The following ZDHHC7 variants were observed in gnomAD, a reference collection of about 807,000 sequenced individuals.
The protein encoded by ZDHHC7 is palmitoyltransferase ZDHHC7.
Under a neutral mutation model 34.1 loss-of-function variants are expected in ZDHHC7, and 12 were observed. That is an observed-to-expected ratio of 0.35 (90% CI 0.23 to 0.57). The LOEUF is 0.57. Ranked by LOEUF, ZDHHC7 falls within the 20% of genes least tolerant of loss-of-function variation. The pLI is 0.84. For synonymous variants in ZDHHC7, 185 were observed against 155.4 expected (o/e 1.19, Z -1.42); for missense variants, 388 against 402.7 (o/e 0.96, Z 0.31).
Position 85,009,551 on chromosome 16 carries a change from GTCT to G in ZDHHC7, c.-104+1732_-104+1734del, listed in dbSNP as rs149929316. On this transcript the variant is annotated intron_variant, in intron 1 of 7. Transcript: ENST00000313732. Reference sequence around the variant, plus strand: ...CCTTTGGGAATTACCTTTTCAAATAGTCTTCTTCTCCTTCAACTCTCAAATCAG... The same window carrying G: ...CCTTTGGGAATTACCTTTTCAAATAGTCTTCTCCTTCAACTCTCAAATCAG... 4.2e-3 allele frequency among the ~76,000 whole-genome samples: 644 copies of G among 152,196 alleles called. 11 individuals carry two copies. The highest frequency in any genetic ancestry group is 0.015 in the African/African-American group (609 of 41,522).
chr16:85,013,748 G>T (rs1305785546), upstream of ZDHHC7, among the ~76,000 whole-genome samples: 1 of 152,056 alleles, frequency 6.6e-6, no homozygotes. Flanking sequence ...GAGTGCAGTG[G>T]TGTGATCTCA....
the ZDHHC7 span, among the ~76,000 whole-genome samples, chr16:85,018,810 G>T: frequency 1.3e-5 from 2 of 152,022 alleles, no homozygotes; most frequent in African/African-American, 4.8e-5. Context: ...CAAAGGTTAT[G>T]CAGTGGAAAA....
chr16:84,987,602 T>C (rs779861996), intron 3 of ZDHHC7, among the ~76,000 whole-genome samples: 1 of 152,104 alleles, frequency 6.6e-6, no homozygotes. Context: ...CCTAGGTATA[T>C]ACCCAAGAGG....
At chr16:85,007,095 G>C (rs772094188) in intron 1 of ZDHHC7, among the ~76,000 whole-genome samples, 1 of 149,410 alleles carries the variant, frequency 6.7e-6, no homozygotes, top group Non-Finnish European at 1.5e-5. Flanking sequence ...GGTTTGATTA[G>C]AGGATTAATA....
chr16:85,023,227 C>T, the ZDHHC7 span, among the ~76,000 whole-genome samples: 6 of 148,656 alleles, frequency 4.0e-5, no homozygotes, highest in South Asian at 2.1e-4. Flanking sequence ...AGTGCAGTGG[C>T]GCAATTTCAG....
Position 84,988,912 on chromosome 16 carries a change from CCTGGCCCTGTAG to C in ZDHHC7, c.315+1380_315+1391del, listed in dbSNP as rs747748376. The C allele has an allele frequency of 8.4e-6, 13 of 1,543,666 alleles. No homozygotes were observed. The African/African-American group carries it at 1.6e-4, about 20-fold the overall frequency. On this transcript the variant is annotated intron_variant, in intron 3 of 7. Coordinates refer to ENST00000313732, the MANE Select transcript of ZDHHC7 (RefSeq NM_017740.3). ...TTCCAGTAAAAATCGCTGAGCTGGACCTGGCCCTGTAGCTGGCCCTCTCCTTTGTCGAAGTGC... is the reference window on the plus strand; with the variant it reads ...TTCCAGTAAAAATCGCTGAGCTGGACCTGGCCCTCTCCTTTGTCGAAGTGC...
At chr16:84,987,299 G>A (rs576888582) in intron 3 of ZDHHC7, among the ~76,000 whole-genome samples, 4 of 152,264 alleles carry the variant, frequency 2.6e-5, no homozygotes, top group Non-Finnish European at 5.9e-5. Flanking sequence ...CCCATGAAAT[G>A]ATGCTCAACA....
chr16:85,006,720 A>G (rs933151221), intron 1 of ZDHHC7, among the ~76,000 whole-genome samples: 12 of 147,846 alleles, frequency 8.1e-5, no homozygotes, highest in Admixed American at 6.8e-5. Flanking sequence ...AGCCTAGGTG[A>G]CAGAATAACA....
chr16:85,008,114 A>G (rs1487534886), intron 1 of ZDHHC7, among the ~76,000 whole-genome samples: 1 of 152,024 alleles, frequency 6.6e-6, no homozygotes, highest in Non-Finnish European at 1.5e-5. Context: ...AGACCCTCTC[A>G]AAGCAAACAA....
At chr16:85,009,901 G>C (rs1490139550) in intron 1 of ZDHHC7, among the ~76,000 whole-genome samples, 11 of 151,702 alleles carry the variant, frequency 7.3e-5, no homozygotes, top group Admixed American at 7.2e-4. Context: ...GTAGACATGG[G>C]GTTTCACCGT....
chr16:84,995,382 T>C (rs1033627798), intron 2 of ZDHHC7, among the ~76,000 whole-genome samples: 6 of 152,198 alleles, frequency 3.9e-5, no homozygotes, highest in African/African-American at 9.6e-5. Context: ...TCCCAGCACT[T>C]TGGGAGGCCA....
intron 1 of ZDHHC7, among the ~76,000 whole-genome samples, chr16:85,003,090 T>C (rs1002768006): frequency 6.6e-5 from 10 of 151,476 alleles, no homozygotes; most frequent in African/African-American, 2.4e-4. Flanking sequence ...AAAAGCAGAG[T>C]AACGAAGGCA....
Position 84,979,170 on chromosome 16 carries a change from C to T in ZDHHC7, c.537+19G>A, listed in dbSNP as rs1408736882. The T allele has an allele frequency of 6.3e-7, 1 of 1,580,428 alleles. No homozygotes were observed. The highest frequency in any genetic ancestry group is 8.6e-7 in the Non-Finnish European group (1 of 1,168,250). On this transcript the variant is annotated intron_variant, in intron 5 of 7. Transcript: ENST00000313732. ...TTTCAAATTCAATGTAAATTCAATA[C>T]AAAAATATTTTTACTTACAGTGAAG...
chr16:85,024,230 GTT>G, the ZDHHC7 span, among the ~76,000 whole-genome samples: 3 of 108,722 alleles, frequency 2.8e-5, no homozygotes, highest in African/African-American at 7.2e-5. Context: ...AGAGTTTTTT[GTT>G]TTTTTTTTTT....
At chr16:85,022,243 AGGCACAGT>A in the ZDHHC7 span, among the ~76,000 whole-genome samples, 2 of 145,914 alleles carry the variant, frequency 1.4e-5, no homozygotes, top group South Asian at 4.4e-4. Context: ...AAACTCAGCC[AGGCACAGT>A]GGCTCACACC....
chr16:84,998,326 G>A, intron 1 of ZDHHC7, among the ~76,000 whole-genome samples: 1 of 151,864 alleles, frequency 6.6e-6, no homozygotes, highest in African/African-American at 2.4e-5. Flanking sequence ...CAGAGGTTGA[G>A]CACAGGGGTC....
At position 84,975,012 on chromosome 16, in the gene ZDHHC7, A is replaced by G. The variant is rs2143520642; in HGVS notation, c.*1331T>C. 1 of 152,776 alleles carries G rather than the reference A, an allele frequency of 6.5e-6. No individual in the cohort carries two copies. The allele number at this position is 152,776 out of a possible 1,614,324, so 9.5% of individuals were successfully genotyped here. On this transcript the variant is annotated 3_prime_UTR_variant, in exon 8 of 8. Transcript: ENST00000313732. ...GGCAAGCATAAAGGAAGACCCTCAGACTTTGTCACAGATTGCTTCTTGATG... is the reference window on the plus strand; with the variant it reads ...GGCAAGCATAAAGGAAGACCCTCAGGCTTTGTCACAGATTGCTTCTTGATG...
At chr16:84,994,242 G>C (rs2072547603) in intron 2 of ZDHHC7, among the ~76,000 whole-genome samples, 1 of 152,192 alleles carries the variant, frequency 6.6e-6, no homozygotes, top group African/African-American at 2.4e-5. Context: ...TTGCTAAAAG[G>C]CAGATGCAAC....
chr16:85,004,622 G>C (rs2072694918), intron 1 of ZDHHC7, among the ~76,000 whole-genome samples: 1 of 146,868 alleles, frequency 6.8e-6, no homozygotes, highest in South Asian at 2.1e-4. Context: ...CCTCTCCCTG[G>C]CTGCTTGTTC....
Sources: allele counts gnomAD v4.1 joint callset (sites outside exome capture counted in the v4.1 genomes callset), GRCh38; gene constraint gnomAD v4.1.1; transcripts MANE v1.5; gene names NCBI Gene and HGNC (gene_info 2026-07-23, HGNC 2026-07-21).